The following KIF21A variants were observed in gnomAD, a reference collection of about 807,000 sequenced individuals.
KIF21A encodes kinesin family member 21A, also known as kinesin-like protein KIF21A.
Under a neutral mutation model 202.9 loss-of-function variants are expected in KIF21A, and 114 were observed. The ratio of observed to expected loss-of-function variants is 0.56; its 90% CI spans 0.48 to 0.66. The LOEUF (loss-of-function observed/expected upper bound fraction) is 0.66, where lower values mean the gene tolerates loss of function less well. KIF21A is among the 30% of genes least tolerant of loss of function. KIF21A has a pLI of 0.00. For missense variants in KIF21A, 1,677 were observed against 1,994.9 expected, an observed-to-expected ratio of 0.84 and a Z score of 3.04; for synonymous variants, 667 against 670.8, an observed-to-expected ratio of 0.99 and a Z score of 0.09.
At chr12:39,404,235 G>GT (rs1952404199) in intron 1 of KIF21A, among the ~76,000 whole-genome samples, 1 of 152,088 alleles carries the variant, frequency 6.6e-6, no homozygotes, top group Non-Finnish European at 1.5e-5. Flanking sequence ...AGTAGCTGAG[G>GT]TAAGAGGCAT....
intron 1 of KIF21A, among the ~76,000 whole-genome samples, chr12:39,375,781 T>C (rs1592412585): frequency 6.6e-6 from 1 of 152,264 alleles, no homozygotes; most frequent in African/African-American, 2.4e-5. Context: ...GAAAACTCAG[T>C]CCCTTCACAG....
rs1942064308 is a variant in KIF21A, at chr12:39,293,973, TACCTGAC to T, written c.*444_*450del. On this transcript the variant is annotated 3_prime_UTR_variant, in exon 38 of 38. Coordinates refer to ENST00000361418, the MANE Select transcript of KIF21A (RefSeq NM_001173464.2). ...GGAATCCACTACAGACTGATATAAA[TACCTGAC>T]AAGCAAACCACAATTTGACTAACAT... 5.8e-6 allele frequency: 1 copy of T among 172,350 alleles called. No homozygotes were observed. The highest frequency in any genetic ancestry group is 1.2e-5 in the Non-Finnish European group (1 of 80,516). 10.7% of individuals were successfully genotyped at this position (172,350 alleles called of 1,614,324 possible).
chr12:39,369,679 T>C, intron 3 of KIF21A, 50 bp downstream of exon 3: 1 of 1,405,108 alleles, frequency 7.1e-7, no homozygotes, highest in Non-Finnish European at 1.0e-6. Flanking sequence ...ATAAACACAG[T>C]CTATAAGAAC....
In KIF21A at chr12:39,326,336, T is replaced by C. The variant is rs745940471; in HGVS notation, c.3341-12A>G. ...ATCCTCTACATTTTCTACAAAAAAA[T>C]GTTTAAAATGTAAGCATTATCCCCA... On this transcript the variant is annotated splice_polypyrimidine_tract_variant and intron_variant, in intron 24 of 37. Coordinates refer to ENST00000361418, the MANE Select transcript of KIF21A (RefSeq NM_001173464.2). The C allele has an allele frequency of 1.3e-6, 2 of 1,581,082 alleles. No individual in the cohort carries two copies. The highest frequency in any genetic ancestry group is 2.2e-5 in the South Asian group (2 of 90,358).
At chr12:39,396,965 T>G (rs1310947741) in intron 1 of KIF21A, among the ~76,000 whole-genome samples, 1 of 149,430 alleles carries the variant, frequency 6.7e-6, no homozygotes, top group Non-Finnish European at 1.5e-5. Flanking sequence ...AAAGACTAAA[T>G]AAATAGTGTA....
rs1443639940 is a variant in KIF21A at position 39,346,498 on chromosome 12, C to G, written c.1680G>C (p.Gln560His). The change falls in exon 12 of 38, where the codon CAG becomes CAC. Residue 560 changes from glutamine (Q) to histidine (H), a missense_variant. Gln to His is a conservative substitution (Grantham distance 24). Transcript: ENST00000361418. ...RKEKRKKKRL[Q>H]KLEESNREER... Reference sequence around the variant, plus strand: ...CTTCTCGATTGCTTTCCTCAAGTTTCTGTAGCCTTCAAAATCACGAGGCAC... The same window carrying G: ...CTTCTCGATTGCTTTCCTCAAGTTTGTGTAGCCTTCAAAATCACGAGGCAC... 25 of 1,479,838 alleles carry G rather than the reference C, an allele frequency of 1.7e-5. No homozygotes were observed. Among genetic ancestry groups the G allele is most frequent in the Non-Finnish European group, 2.2e-5 (25 of 1,118,208 alleles). The allele number at this position is 1,479,838 out of a possible 1,614,324, so 91.7% of individuals were successfully genotyped here. A position where few individuals can be genotyped will look rare whatever the true frequency, so the allele number is the denominator to read the frequency against.
intron 26 of KIF21A, among the ~76,000 whole-genome samples, chr12:39,324,709 G>C (rs2137847747): frequency 6.6e-6 from 1 of 152,254 alleles, no homozygotes; most frequent in South Asian, 2.1e-4. Context: ...ACTTGATGGT[G>C]GCTATTTCCT....
intron 23 of KIF21A, 26 bp from the exon 24 acceptor site, chr12:39,330,288 AC>A (rs570559958): frequency 2.5e-4 from 397 of 1,607,258 alleles, no homozygotes; most frequent in Non-Finnish European, 3.3e-4. Flanking sequence ...CAAAAAGGAA[AC>A]AAAAAGCAAT....
intron 1 of KIF21A, among the ~76,000 whole-genome samples, chr12:39,424,200 A>G (rs1954569656): frequency 6.6e-6 from 1 of 152,144 alleles, no homozygotes; most frequent in Non-Finnish European, 1.5e-5. Flanking sequence ...GCAATGGCCA[A>G]CTTTTGCTCA....
At chr12:39,320,804 G>A (rs188108909) in intron 27 of KIF21A, among the ~76,000 whole-genome samples, 18 of 151,154 alleles carry the variant, frequency 1.2e-4, no homozygotes, top group African/African-American at 4.1e-4. Flanking sequence ...GTGTGGTGGC[G>A]GGCACCTGTA....
At chr12:39,311,359 A>ATTTTTTTTTT (rs2137376193) in intron 32 of KIF21A, 58 bp downstream of exon 32, 1 of 1,495,306 alleles carries the variant, frequency 6.7e-7, no homozygotes, top group African/African-American at 1.4e-5. Flanking sequence ...TATGTTAAAA[A>ATTTTTTTTTT]TGTAATTTTT....
chr12:39,378,718 G>A (rs1950418356), intron 1 of KIF21A, among the ~76,000 whole-genome samples: 1 of 152,112 alleles, frequency 6.6e-6, no homozygotes, highest in African/African-American at 2.4e-5. Flanking sequence ...GGCAAAAAAT[G>A]TTTTAAATAA....
chr12:39,385,342 T>C (rs567250914), intron 1 of KIF21A, among the ~76,000 whole-genome samples: 6 of 152,034 alleles, frequency 3.9e-5, no homozygotes, highest in African/African-American at 2.4e-5. Context: ...ATATCAGATA[T>C]CTTTTAATTC....
Position 39,443,100 on chromosome 12 carries a change from C to G in KIF21A, c.-130G>C, listed in dbSNP as rs1939894020. The G allele has an allele frequency of 1.1e-6, 1 of 905,274 alleles. No individual in the cohort carries two copies. The highest frequency in any genetic ancestry group is 4.1e-5 in the Admixed American group (1 of 24,444). The allele number at this position is 905,274 out of a possible 1,614,324, so 56.1% of individuals were successfully genotyped here. A position where few individuals can be genotyped will look rare whatever the true frequency, so the allele number is the denominator to read the frequency against. ...GGGCGGCCGGCTCACCTCCGCCGCG[C>G]TCCAGCCATGTTGGGCGACTGAATG... On this transcript the variant is annotated 5_prime_UTR_variant, in exon 1 of 38. Transcript: ENST00000361418.
At chr12:39,320,966 G>A (rs1014361048) in intron 27 of KIF21A, among the ~76,000 whole-genome samples, 42 of 139,348 alleles carry the variant, frequency 3.0e-4, no homozygotes, top group Admixed American at 6.5e-4. Context: ...AAAAGTCTGG[G>A]AAAAAAAAAA....
chr12:39,358,915 AG>A (rs553884028), intron 7 of KIF21A, among the ~76,000 whole-genome samples: 288 of 152,286 alleles, frequency 1.9e-3, no homozygotes, highest in African/African-American at 6.5e-3. Context: ...ACATAGGAAA[AG>A]TGGGAAACAT....
intron 6 of KIF21A, 76 bp downstream of exon 6, chr12:39,366,274 G>C (rs1949597628): frequency 7.7e-7 from 1 of 1,300,328 alleles, no homozygotes; most frequent in Non-Finnish European, 1.1e-6. Context: ...TTTCCATATG[G>C]ATATTATAAA....
intron 1 of KIF21A, among the ~76,000 whole-genome samples, chr12:39,374,232 G>A (rs1010253749): frequency 1.3e-5 from 2 of 151,952 alleles, no homozygotes; most frequent in Non-Finnish European, 2.9e-5. Context: ...TATTACTTGA[G>A]GTTCTATATA....
At chr12:39,301,367 G>A in intron 37 of KIF21A, 113 bp downstream of exon 37, 1 of 922,062 alleles carries the variant, frequency 1.1e-6, no homozygotes, top group Non-Finnish European at 1.7e-6. Context: ...ACAGACATTA[G>A]AATGATTATA....
Sources: allele counts gnomAD v4.1 joint callset (sites outside exome capture counted in the v4.1 genomes callset), GRCh38; gene constraint gnomAD v4.1.1; transcripts MANE v1.5; gene names NCBI Gene and HGNC (gene_info 2026-07-23, HGNC 2026-07-21).